The following TMEM181 variants were observed in gnomAD, a reference collection of about 807,000 sequenced individuals.
The protein encoded by TMEM181 is G protein-coupled receptor 178.
TMEM181 carries 39 observed loss-of-function variants against 71.9 expected under a neutral mutation model. The ratio of observed to expected loss-of-function variants is 0.54; its 90% CI spans 0.42 to 0.71. TMEM181 has a LOEUF of 0.71. Among genes scored for constraint, TMEM181 ranks in the 30% least tolerant of loss-of-function variants. The pLI, the probability that TMEM181 is intolerant of heterozygous loss-of-function variation, is 0.00. For missense variants in TMEM181, 595 were observed against 583.0 expected, an observed-to-expected ratio of 1.02 and a Z score of -0.21; for synonymous variants, 245 against 228.8, an observed-to-expected ratio of 1.07 and a Z score of -0.64.
chr6:158,617,472 T>C, intron 10 of TMEM181, among the ~76,000 whole-genome samples: 1 of 151,390 alleles, frequency 6.6e-6, no homozygotes, highest in African/African-American at 2.4e-5. Context: ...TGTGTCTCTA[T>C]CTCCTTCAGT....
chr6:158,616,159 T>C (rs1785600392), intron 10 of TMEM181, among the ~76,000 whole-genome samples: 2 of 152,204 alleles, frequency 1.3e-5, no homozygotes, highest in African/African-American at 4.8e-5. Flanking sequence ...TTTTATTTCG[T>C]TGAGCAGTGG....
rs1194564127 is a variant in TMEM181, at chr6:158,585,428, G to A, written c.381+3G>A. On this transcript the variant is annotated splice_donor_region_variant and intron_variant, in intron 5 of 16. Transcript: ENST00000684151. ...CAAGGACCCTCACATGTGCAGGGGT[G>A]AGTGTGTGGGGTGAGCCCCACAGTC... is the stretch of plus-strand genomic sequence containing the variant. 1.3e-6 allele frequency: 2 copies of A among 1,590,878 alleles called. No homozygotes were observed. The highest frequency in any genetic ancestry group is 1.1e-5 in the South Asian group (1 of 87,184).
intron 13 of TMEM181, among the ~76,000 whole-genome samples, chr6:158,626,024 C>A (rs1230130577): frequency 6.6e-6 from 1 of 152,176 alleles, no homozygotes; most frequent in Non-Finnish European, 1.5e-5. Context: ...GTGCCACCTG[C>A]TATGTGTGCA....
At chr6:158,578,883 A>G (rs909240912) in intron 2 of TMEM181, among the ~76,000 whole-genome samples, 1 of 152,254 alleles carries the variant, frequency 6.6e-6, no homozygotes, top group Non-Finnish European at 1.5e-5. Context: ...GTTGAAGTAG[A>G]AGGATGGAAA....
At chr6:158,551,794 G>A (rs536488257) in intron 1 of TMEM181, among the ~76,000 whole-genome samples, 1 of 152,258 alleles carries the variant, frequency 6.6e-6, no homozygotes, top group South Asian at 2.1e-4. Context: ...ATCCATAAAT[G>A]TAATTGAAAG....
chr6:158,555,344 T>C (rs918587254), upstream of TMEM181, among the ~76,000 whole-genome samples: 2 of 152,200 alleles, frequency 1.3e-5, no homozygotes, highest in African/African-American at 4.8e-5. Context: ...TTCAACTAAC[T>C]TCCATTACCC....
In TMEM181 at chr6:158,562,446, TTGTG is replaced by T. The variant is rs58150738; in HGVS notation, c.8+2240_8+2243del. 4.8e-3 allele frequency among the ~76,000 whole-genome samples: 672 copies of T among 141,172 alleles called. 1 individual carries two copies. Among genetic ancestry groups the T allele is most frequent in the African/African-American group, 0.015 (555 of 37,360 alleles). The allele number at this position is 141,172 out of a possible 152,430, so 92.6% of individuals were successfully genotyped here. On this transcript the variant is annotated intron_variant, in intron 1 of 16. Transcript: ENST00000684151. Reference sequence around the variant, plus strand: ...TCTGCAAATTTAAATAAGGCTGTTTTTGTGTGTGTGTGTGTGTGTGTGTGTGTGT... The same window carrying T: ...TCTGCAAATTTAAATAAGGCTGTTTTTGTGTGTGTGTGTGTGTGTGTGTGT...
chr6:158,558,934 G>T (rs1162314153), upstream of TMEM181, among the ~76,000 whole-genome samples: 1 of 152,084 alleles, frequency 6.6e-6, no homozygotes, highest in Non-Finnish European at 1.5e-5. Context: ...TCTGTTCTCC[G>T]GTCTTGTTGC....
At chr6:158,536,972 C>T (rs1446098444) in intron 1 of TMEM181, 6 of 840,616 alleles carry the variant, frequency 7.1e-6, no homozygotes, top group Non-Finnish European at 7.4e-6. Context: ...CGACGGCCGC[C>T]TCCGCCGGCC....
At position 158,612,781 on chromosome 6, in the gene TMEM181, A is replaced by C. The variant is rs532448295; in HGVS notation, c.896+4031A>C. Among the ~76,000 whole-genome samples, 9 of 152,374 alleles carry C rather than the reference A, an allele frequency of 5.9e-5. No homozygotes were observed. The South Asian group carries it at 1.9e-3, about 32-fold the overall frequency. On this transcript the variant is annotated intron_variant, in intron 10 of 16. Transcript: ENST00000684151. ...CTGTTATTCCTGCTGTAAGGATAGT[A>C]ATTAAGCAAAATGCTACGGTAATTG...
chr6:158,625,699 T>G lies in TMEM181; in HGVS notation c.1058-4T>G. ...AGTTGTTAATGAGTTTCTTTCTTTT[T>G]CAGATCTCAGGTTGAAATTTTTGAC... On this transcript the variant is annotated splice_region_variant and splice_polypyrimidine_tract_variant and intron_variant, in intron 12 of 16. Transcript: ENST00000684151. The G allele has an allele frequency of 6.2e-7, 1 of 1,607,170 alleles. No individual in the cohort carries two copies. The highest frequency in any genetic ancestry group is 8.5e-7 in the Non-Finnish European group (1 of 1,178,106).
At chr6:158,563,290 A>G (rs538754352) in intron 1 of TMEM181, among the ~76,000 whole-genome samples, 4 of 152,204 alleles carry the variant, frequency 2.6e-5, no homozygotes, top group South Asian at 4.2e-4. Context: ...CTTACAGGCA[A>G]GTGCCACCAT....
At chr6:158,537,165 C>G (rs1433497464) in intron 1 of TMEM181, among the ~76,000 whole-genome samples, 1 of 151,998 alleles carries the variant, frequency 6.6e-6, no homozygotes, top group East Asian at 1.9e-4. Context: ...CCCGCCTCCC[C>G]GGAAAGGAGC....
At chr6:158,603,885 A>G (rs368668686) in intron 6 of TMEM181, among the ~76,000 whole-genome samples, 1 of 152,162 alleles carries the variant, frequency 6.6e-6, no homozygotes, top group Admixed American at 6.5e-5. Flanking sequence ...TATATCTTAT[A>G]AATATCCCTG....
rs749776167 is a variant in TMEM181 at position 158,629,803 on chromosome 6, G to A, written c.1266G>A (p.Ser422=). Residue 422 remains serine (S), a synonymous_variant, in exon 15 of 17, where the codon TCG becomes TCA. Transcript: ENST00000684151. Reference sequence around the variant, plus strand: ...CCTTGGCCTTTGTATATTCTCCATCGAAGAATGCCCTCTATGGTAAGCCAC... The same window carrying A: ...CCTTGGCCTTTGTATATTCTCCATCAAAGAATGCCCTCTATGGTAAGCCAC... The part of the protein sequence containing the change: ...LYTLAFVYSP[S]KNALYESQLK... The A allele has an allele frequency of 3.7e-6, 6 of 1,613,962 alleles. No individual in the cohort carries two copies. Among genetic ancestry groups the A allele is most frequent in the Admixed American group, 1.7e-5 (1 of 60,016 alleles).
intron 1 of TMEM181, among the ~76,000 whole-genome samples, chr6:158,565,189 T>C (rs1782418623): frequency 1.3e-5 from 2 of 152,346 alleles, no homozygotes; most frequent in South Asian, 4.1e-4. Context: ...GGATTGTATC[T>C]GTTTTGTGGT....
At chr6:158,588,059 A>G (rs1783882666) in intron 5 of TMEM181, among the ~76,000 whole-genome samples, 1 of 152,244 alleles carries the variant, frequency 6.6e-6, no homozygotes, top group Non-Finnish European at 1.5e-5. Context: ...ACACACTTAA[A>G]GCCCAGAGGG....
At chr6:158,569,396 C>A (rs1258825046) in intron 1 of TMEM181, among the ~76,000 whole-genome samples, 1 of 152,246 alleles carries the variant, frequency 6.6e-6, no homozygotes, top group Non-Finnish European at 1.5e-5. Context: ...ACCCAGCTTA[C>A]ACTTGCTTAA....
Position 158,585,300 on chromosome 6 carries a change from G to T in TMEM181, c.260-4G>T. ...CTCTAACACTGAATTTTTTTCTTTT[G>T]TAGAAACTTCTATTAAGACAAGCTT... On this transcript the variant is annotated splice_polypyrimidine_tract_variant and splice_region_variant and intron_variant, in intron 4 of 16. Transcript: ENST00000684151. 6.3e-7 allele frequency: 1 copy of T among 1,591,326 alleles called. No homozygotes were observed. Among genetic ancestry groups the T allele is most frequent in the Admixed American group, 1.8e-5 (1 of 54,248 alleles).
Sources: gnomAD v4.1 joint callset for allele counts (sites outside exome capture counted in the v4.1 genomes callset) on GRCh38, gnomAD v4.1.1 for gene constraint, MANE v1.5 for transcripts, NCBI Gene and HGNC (gene_info 2026-07-23, HGNC 2026-07-21) for gene names.